CFAP52: variants seen among roughly 807,000 people sequenced by gnomAD.
CFAP52 encodes cilia- and flagella-associated protein 52.
A neutral mutation model predicts 70.5 loss-of-function variants in CFAP52; 57 were observed. The ratio of observed to expected loss-of-function variants is 0.81; its 90% CI spans 0.65 to 1.01. The LOEUF is 1.01. CFAP52 is among the 50% of genes least tolerant of loss of function. The pLI, the probability that CFAP52 is intolerant of heterozygous loss-of-function variation, is 0.00. For missense variants in CFAP52, 785 were observed against 788.5 expected, an observed-to-expected ratio of 1.00 and a Z score of 0.05; for synonymous variants, 267 against 292.5, an observed-to-expected ratio of 0.91 and a Z score of 0.89.
chr17:9,602,512 T>A (rs1233682733), intron 6 of CFAP52, among the ~76,000 whole-genome samples: 1 of 152,200 alleles, frequency 6.6e-6, no homozygotes, highest in East Asian at 1.9e-4. Flanking sequence ...ATTTTCTTTC[T>A]ATCCAGTCTA....
At chr17:9,630,673 G>A (rs1354838169) in intron 9 of CFAP52, among the ~76,000 whole-genome samples, 3 of 150,696 alleles carry the variant, frequency 2.0e-5, no homozygotes, top group East Asian at 4.2e-4. Context: ...CTCGTGATCC[G>A]CCCGCCTCGG....
chr17:9,627,908 T>C (rs1433793505), intron 8 of CFAP52, among the ~76,000 whole-genome samples: 4 of 152,082 alleles, frequency 2.6e-5, no homozygotes, highest in Non-Finnish European at 4.4e-5. Flanking sequence ...TTTTTATTTT[T>C]TGGGGAGGCA....
intron 4 of CFAP52, among the ~76,000 whole-genome samples, chr17:9,596,800 C>T (rs1369508153): frequency 6.6e-6 from 1 of 151,962 alleles, no homozygotes; most frequent in East Asian, 1.9e-4. Context: ...ACTGCAACCT[C>T]CACCTCCCAG....
intron 8 of CFAP52, among the ~76,000 whole-genome samples, chr17:9,625,254 C>T (rs1329174247): frequency 6.6e-6 from 1 of 151,622 alleles, no homozygotes; most frequent in East Asian, 1.9e-4. Context: ...CTTGTTCTTC[C>T]TCTTGGTATT....
intron 1 of CFAP52, among the ~76,000 whole-genome samples, chr17:9,585,256 G>A (rs1450623212): frequency 5.3e-5 from 8 of 152,166 alleles, no homozygotes; most frequent in African/African-American, 1.9e-4. Context: ...ATTTTAACAG[G>A]ATCCCTCAGG....
intron 3 of CFAP52, among the ~76,000 whole-genome samples, chr17:9,589,225 A>AT (rs1406354725): frequency 9.2e-5 from 14 of 152,220 alleles, no homozygotes; most frequent in Non-Finnish European, 4.4e-5. Flanking sequence ...TTTGTGTGGG[A>AT]TTTAATACTT....
chr17:9,603,413 G>A (rs1909356486), intron 6 of CFAP52, among the ~76,000 whole-genome samples: 1 of 152,064 alleles, frequency 6.6e-6, no homozygotes, highest in South Asian at 2.1e-4. Context: ...GTTTCACCGT[G>A]TTAGCCAGGA....
intron 8 of CFAP52, among the ~76,000 whole-genome samples, chr17:9,626,455 C>G (rs1472938246): frequency 6.6e-6 from 1 of 152,162 alleles, no homozygotes; most frequent in Non-Finnish European, 1.5e-5. Context: ...GTCTCAAACT[C>G]CTGACCTCAG....
intron 8 of CFAP52, among the ~76,000 whole-genome samples, chr17:9,623,080 C>T (rs557629966): frequency 6.6e-6 from 1 of 152,172 alleles, no homozygotes; most frequent in South Asian, 2.1e-4. Context: ...AGAGTTCCAC[C>T]TTTATTTCTC....
rs1041708827 is a variant in CFAP52 at position 9,643,045 on chromosome 17, A to C, written c.1710A>C (p.Lys570Asn). 1.2e-6 allele frequency: 2 copies of C among 1,607,192 alleles called. No homozygotes were observed. The highest frequency in any genetic ancestry group is 1.3e-5 in the African/African-American group (1 of 74,804). ...FVTGGNDHLV[K>N]VWDYNEGEVT... is the part of the protein sequence containing the mutation. ...CAGGTGGAAATGACCATCTGGTCAA[A>C]GTTTGGGATTATAATGAGGGTGAAG... Residue 570 changes from lysine to asparagine, a missense_variant, in exon 14 of 14, where the codon AAA (lysine) becomes AAC (asparagine). Coordinates refer to ENST00000352665, the MANE Select transcript of CFAP52 (RefSeq NM_145054.5).
In CFAP52 at chr17:9,628,916, T is replaced by C. The variant is rs368229972; in HGVS notation, c.1174+96T>C. The C allele has an allele frequency of 1.3e-4, 208 of 1,541,384 alleles. 2 individuals are homozygous for C. The African/African-American group carries it at 2.3e-3, about 17-fold the overall frequency. On this transcript the variant is annotated intron_variant, in intron 9 of 13. Transcript: ENST00000352665. ...TACTAGTCTCTACATGTGGATAACC[T>C]AGAACAGCCTCCCACTGTCCACCCC...
intron 10 of CFAP52, among the ~76,000 whole-genome samples, chr17:9,633,501 G>A (rs1910643517): frequency 6.6e-6 from 1 of 152,068 alleles, no homozygotes; most frequent in Non-Finnish European, 1.5e-5. Context: ...AACCATGCCT[G>A]GCCTATAAAT....
chr17:9,635,434 C>A lies in CFAP52; in HGVS notation c.1350C>A (p.Thr450=), dbSNP rs546975663. The change falls in exon 11 of 14, where the codon ACC becomes ACA. Residue 450 remains threonine (T), a synonymous_variant. Transcript: ENST00000352665. Reference sequence around the variant, plus strand: ...GGGTATGGCAGATAGGCTGTCAGACCCAGAAGCTGGAGGAGGCCCTGAAGG... The same window carrying A: ...GGGTATGGCAGATAGGCTGTCAGACACAGAAGCTGGAGGAGGCCCTGAAGG... The part of the protein sequence containing the change: ...EVRVWQIGCQ[T]QKLEEALKEH... 6.2e-7 allele frequency: 1 copy of A among 1,613,962 alleles called. No homozygotes were observed. The highest frequency in any genetic ancestry group is 1.7e-5 in the Admixed American group (1 of 59,988).
chr17:9,600,886 C>T (rs554014430), intron 6 of CFAP52, among the ~76,000 whole-genome samples: 1 of 152,126 alleles, frequency 6.6e-6, no homozygotes, highest in Non-Finnish European at 1.5e-5. Flanking sequence ...GCCCTCGTCT[C>T]TGGTTTTTAT....
chr17:9,594,065 T>G, intron 3 of CFAP52, 128 bp from the exon 4 acceptor site: 2 of 1,348,686 alleles, frequency 1.5e-6, no homozygotes, highest in Non-Finnish European at 2.0e-6. Flanking sequence ...GGTGGGGTAA[T>G]TTTGTTGTTC....
intron 12 of CFAP52, among the ~76,000 whole-genome samples, chr17:9,639,547 C>A (rs1043387342): frequency 6.6e-6 from 1 of 152,084 alleles, no homozygotes; most frequent in African/African-American, 2.4e-5. Flanking sequence ...GGTCCCTGCT[C>A]TCATGAACCT....
rs74424345 is a variant in CFAP52 at position 9,629,101 on chromosome 17, G to A, written c.1174+281G>A. Among the ~76,000 whole-genome samples the A allele has an allele frequency of 6.4e-3, 976 of 152,260 alleles. 20 individuals carry two copies. The East Asian group carries it at 0.081, about 13-fold the overall frequency. ...AAATTTAGAAGTTCAATTTTGAAAAGGAGTTTGAAAAGGACAGGTCCCCCA... is the reference window on the plus strand; with the variant it reads ...AAATTTAGAAGTTCAATTTTGAAAAAGAGTTTGAAAAGGACAGGTCCCCCA... On this transcript the variant is annotated intron_variant, in intron 9 of 13. Coordinates refer to ENST00000352665, the MANE Select transcript of CFAP52 (RefSeq NM_145054.5).
At chr17:9,590,798 A>C (rs1908711770) in intron 3 of CFAP52, among the ~76,000 whole-genome samples, 1 of 151,910 alleles carries the variant, frequency 6.6e-6, no homozygotes, top group Non-Finnish European at 1.5e-5. Context: ...GAAAACCAAA[A>C]GAAAGAAAGG....
At chr17:9,597,357 A>G (rs1315153286) in intron 4 of CFAP52, among the ~76,000 whole-genome samples, 1 of 152,136 alleles carries the variant, frequency 6.6e-6, no homozygotes, top group Non-Finnish European at 1.5e-5. Flanking sequence ...AAAATTGCTA[A>G]CACAATTTTA....
Sources: gnomAD v4.1 joint callset for allele counts (sites outside exome capture counted in the v4.1 genomes callset) on GRCh38, gnomAD v4.1.1 for gene constraint, MANE v1.5 for transcripts, NCBI Gene and HGNC (gene_info 2026-07-23, HGNC 2026-07-21) for gene names.